HDGFL3: variants seen among roughly 807,000 people sequenced by gnomAD.
HDGFL3 encodes hepatoma-derived growth factor-related protein 3.
In HDGFL3, 6 loss-of-function variants were observed where a neutral mutation model predicts 27.6. The observed-to-expected ratio is 0.22, with a 90% confidence interval of 0.12 to 0.43. The LOEUF (loss-of-function observed/expected upper bound fraction) is 0.43. Ranked by LOEUF, HDGFL3 falls within the 20% of genes least tolerant of loss-of-function variation. The probability of loss-of-function intolerance (pLI) is 1.00; values close to 1 mark genes in which losing one functional copy is unlikely to be tolerated. For missense variants in HDGFL3, 207 were observed against 250.1 expected (o/e 0.83, Z 1.16); for synonymous variants, 88 against 88.9 (o/e 0.99, Z 0.05).
At position 83,138,228 on chromosome 15, in the gene HDGFL3, A is replaced by AT. The variant is rs1596540352; in HGVS notation, c.*1041dup. On this transcript the variant is annotated 3_prime_UTR_variant, in exon 6 of 6. Transcript: ENST00000299633. Reference sequence around the variant, plus strand: ...AAAACAATACATTTTTTTGTTTTTGATTTTTTTACAGTAAACTTTTCAACT... The same window carrying AT: ...AAAACAATACATTTTTTTGTTTTTGATTTTTTTTACAGTAAACTTTTCAACT... 6.6e-6 allele frequency: 1 copy of AT among 152,436 alleles called. No homozygotes were observed. The highest frequency in any genetic ancestry group is 2.4e-5 in the African/African-American group (1 of 41,438). The allele number at this position is 152,436 out of a possible 1,614,324, so 9.4% of individuals were successfully genotyped here.
exon 4 of HDGFL3, chr15:83,113,226 G>A (rs1363283151): frequency 4.9e-6 from 2 of 404,774 alleles, no homozygotes; most frequent in Non-Finnish European, 9.3e-6. Context: ...TCTTCAGCCT[G>A]CTACTAGCAG....
Position 83,136,628 on chromosome 15 carries a change from C to A in HDGFL3, c.*2642G>T. The A allele has an allele frequency of 6.2e-7, 1 of 1,607,260 alleles. No homozygotes were observed. The highest frequency in any genetic ancestry group is 8.5e-7 in the Non-Finnish European group (1 of 1,178,252). On this transcript the variant is annotated 3_prime_UTR_variant, in exon 6 of 6. Coordinates refer to ENST00000299633, the MANE Select transcript of HDGFL3 (RefSeq NM_016073.4). Reference sequence around the variant, plus strand: ...CTTGGCCTATCGTTGTATCTACAAACCAGAGTTCTTCATAAAAACAAAGGC... The same window carrying A: ...CTTGGCCTATCGTTGTATCTACAAAACAGAGTTCTTCATAAAAACAAAGGC...
rs1201533790 is a variant in HDGFL3, at chr15:83,138,395, T to G, written c.*875A>C. ...TCTATTATCACAATAGCAACAATAA[T>G]GTACACATAATAATGGTTTAAGGAT... On this transcript the variant is annotated 3_prime_UTR_variant, in exon 6 of 6. Coordinates refer to ENST00000299633, the MANE Select transcript of HDGFL3 (RefSeq NM_016073.4). The G allele has an allele frequency of 6.6e-6, 1 of 152,362 alleles. No individual in the cohort carries two copies. Among genetic ancestry groups the G allele is most frequent in the Non-Finnish European group, 1.5e-5 (1 of 68,002 alleles). The allele number at this position is 152,362 out of a possible 1,614,324, so 9.4% of individuals were successfully genotyped here.
chr15:83,153,528 G>A (rs2036990402), intron 4 of HDGFL3, among the ~76,000 whole-genome samples: 1 of 151,990 alleles, frequency 6.6e-6, no homozygotes, highest in Non-Finnish European at 1.5e-5. Context: ...AGCTCTATTT[G>A]GTAATCTTGA....
At chr15:83,183,519 G>A (rs1394514763) in intron 1 of HDGFL3, among the ~76,000 whole-genome samples, 3 of 152,080 alleles carry the variant, frequency 2.0e-5, no homozygotes, top group African/African-American at 4.8e-5. Flanking sequence ...CCTGCACTTC[G>A]GGAGGCCAAG....
In HDGFL3 at chr15:83,151,309, C is replaced by A. The variant is rs1298106037; in HGVS notation, c.512G>T (p.Cys171Phe). The change falls in exon 5 of 6, where the codon TGC becomes TTC. Residue 171 changes from cysteine (C) to phenylalanine (F), a missense_variant. By Grantham distance (205) the Cys-to-Phe change is radical. Transcript: ENST00000299633. ...GCTGCTTTTGTTTTCCTCTTCTTTG[C>A]AGTCTTTGTCATCTTCATCTCCTGG... ...KSPGDEDDKD[C>F]KEEENKSSSE... The A allele has an allele frequency of 1.2e-6, 2 of 1,613,264 alleles. No homozygotes were observed. Among genetic ancestry groups the A allele is most frequent in the Non-Finnish European group, 1.7e-6 (2 of 1,179,602 alleles).
intron 1 of HDGFL3, among the ~76,000 whole-genome samples, chr15:83,165,794 C>CAAAAAAAAAAAAAAAAAAAAAAAAAA (rs57873221): frequency 1.4e-4 from 2 of 13,842 alleles, no homozygotes; most frequent in Non-Finnish European, 1.8e-4. Context: ...GAATCCATCT[C>CAAAAAAAAAAAAAAAAAAAAAAAAAA]AAAAAAAAAA....
chr15:83,192,982 C>T (rs1281585013), intron 1 of HDGFL3, among the ~76,000 whole-genome samples: 2 of 152,216 alleles, frequency 1.3e-5, no homozygotes, highest in African/African-American at 4.8e-5. Context: ...CTGTTCTATT[C>T]CATGTAACGC....
rs571389517 is a variant in HDGFL3, at chr15:83,161,595, C to T, written c.161+2404G>A. 2.1e-3 allele frequency among the ~76,000 whole-genome samples: 327 copies of T among 152,260 alleles called. 6 individuals are homozygous for T. The highest frequency in any genetic ancestry group is 7.2e-4 in the Non-Finnish European group (49 of 68,024). ...GTATGAGATGGACGTCTTCCTGCTA[C>T]AGGAAGCATTCTTTTATGAATAAAT... On this transcript the variant is annotated intron_variant, in intron 2 of 5. Transcript: ENST00000299633.
At chr15:83,148,629 A>T (rs569669280) in intron 5 of HDGFL3, among the ~76,000 whole-genome samples, 31 of 152,186 alleles carry the variant, frequency 2.0e-4, no homozygotes, top group African/African-American at 7.2e-4. Flanking sequence ...CTCGAAAAAA[A>T]AAAAATAATA....
intron 1 of HDGFL3, among the ~76,000 whole-genome samples, chr15:83,205,003 ATC>A (rs1334650624): frequency 2.0e-5 from 3 of 152,184 alleles, no homozygotes; most frequent in African/African-American, 7.2e-5. Flanking sequence ...GTACTCTGAA[ATC>A]TGTTTCTTCC....
At chr15:83,149,667 T>TA (rs2036940087) in intron 5 of HDGFL3, among the ~76,000 whole-genome samples, 1 of 151,974 alleles carries the variant, frequency 6.6e-6, no homozygotes, top group Non-Finnish European at 1.5e-5. Flanking sequence ...AAAGAAGAAA[T>TA]AAGAGTGCAA....
At chr15:83,123,010 A>G, downstream of HDGFL3, 1 of 943,096 alleles carries the variant, frequency 1.1e-6, no homozygotes, top group East Asian at 2.5e-5. Context: ...GACTGTTTTG[A>G]TTATGTAGCA....
Position 83,151,333 on chromosome 15 carries a change from G to A in HDGFL3, c.488C>T (p.Pro163Leu). 5 of 1,613,070 alleles carry A rather than the reference G, an allele frequency of 3.1e-6. No homozygotes were observed. The highest frequency in any genetic ancestry group is 4.2e-6 in the Non-Finnish European group (5 of 1,179,526). The part of the protein sequence containing the change: ...KKSSKQSRKS[P>L]GDEDDKDCKE... ...GCAGTCTTTGTCATCTTCATCTCCT[G>A]GAGATTTCCGGGACTGTTTAGAGGA... The change falls in exon 5 of 6, where the codon CCA (proline) becomes CTA (leucine). Residue 163 changes from proline (P) to leucine (L), a missense_variant. Transcript: ENST00000299633.
intron 4 of HDGFL3, among the ~76,000 whole-genome samples, chr15:83,152,999 T>G (rs542933129): frequency 6.7e-6 from 1 of 150,072 alleles, no homozygotes; most frequent in Admixed American, 6.6e-5. Flanking sequence ...TCTTTTTTTT[T>G]TTTTTTTTTT....
At chr15:83,200,282 C>A (rs1173666056) in intron 1 of HDGFL3, among the ~76,000 whole-genome samples, 1 of 151,160 alleles carries the variant, frequency 6.6e-6, no homozygotes, top group Non-Finnish European at 1.5e-5. Context: ...TTGCAGTGAG[C>A]GGAGATCCCG....
At chr15:83,201,879 G>C (rs2037651550) in intron 1 of HDGFL3, among the ~76,000 whole-genome samples, 2 of 152,294 alleles carry the variant, frequency 1.3e-5, no homozygotes, top group South Asian at 4.1e-4. Flanking sequence ...TTGGCAAAGT[G>C]AAAGTAGTCC....
chr15:83,187,915 G>A (rs2037465733), intron 1 of HDGFL3, among the ~76,000 whole-genome samples: 1 of 150,868 alleles, frequency 6.6e-6, no homozygotes, highest in African/African-American at 2.4e-5. Flanking sequence ...AAAGGAAAAG[G>A]TTGCAGTAAA....
chr15:83,119,568 C>A, intron 3 of HDGFL3: 2 of 1,613,070 alleles, frequency 1.2e-6, no homozygotes, highest in Non-Finnish European at 1.7e-6. Flanking sequence ...CTTTTTAATG[C>A]TTTCTTTAGG....
Sources: gnomAD v4.1 joint callset for allele counts (sites outside exome capture counted in the v4.1 genomes callset) on GRCh38, gnomAD v4.1.1 for gene constraint, MANE v1.5 for transcripts, NCBI Gene and HGNC (gene_info 2026-07-23, HGNC 2026-07-21) for gene names.